Variants in FAM91A1 observed in about 807,000 individuals in gnomAD.
FAM91A1 encodes protein FAM91A1.
A neutral mutation model predicts 113.5 loss-of-function variants in FAM91A1; 41 were observed. That is an observed-to-expected ratio of 0.36 (90% CI 0.28 to 0.47). FAM91A1 has a LOEUF of 0.47. Ranked by LOEUF, FAM91A1 falls within the 20% of genes least tolerant of loss-of-function variation. The pLI, the probability that FAM91A1 is intolerant of heterozygous loss-of-function variation, is 1.00. For missense variants in FAM91A1, 696 were observed against 1,001.2 expected (o/e 0.70, Z 4.11); for synonymous variants, 307 against 347.9 (o/e 0.88, Z 1.31).
At chr8:123,777,884 A>G in intron 4 of FAM91A1, 141 bp from the exon 5 acceptor site, 1 of 631,410 alleles carries the variant, frequency 1.6e-6, no homozygotes, top group Non-Finnish European at 2.7e-6. Context: ...TTGGTTGAAG[A>G]CGTCCTTTTA....
intron 18 of FAM91A1, among the ~76,000 whole-genome samples, chr8:123,804,992 A>T (rs1481370594): frequency 6.6e-6 from 1 of 151,600 alleles, no homozygotes; most frequent in East Asian, 1.9e-4. Context: ...CTCCTCATTC[A>T]CTCTTCACTT....
intron 23 of FAM91A1, among the ~76,000 whole-genome samples, chr8:123,811,718 T>C (rs532818613): frequency 6.6e-6 from 1 of 151,954 alleles, no homozygotes; most frequent in South Asian, 2.1e-4. Flanking sequence ...GAGTATAGAG[T>C]GCATGGGGAA....
intron 9 of FAM91A1, 85 bp from the exon 10 acceptor site, chr8:123,784,996 A>T: frequency 1.0e-6 from 1 of 1,002,802 alleles, no homozygotes; most frequent in Non-Finnish European, 1.4e-6. Flanking sequence ...AATTTTGCTG[A>T]TTATGATTAT....
chr8:123,805,145 G>T (rs1005819550), intron 18 of FAM91A1, 122 bp from the exon 19 acceptor site: 1 of 701,842 alleles, frequency 1.4e-6, no homozygotes, highest in Non-Finnish European at 2.3e-6. Flanking sequence ...ATTGTTGAAA[G>T]AATTTTGATG....
At chr8:123,808,476 A>G (rs1386969021) in intron 21 of FAM91A1, 100 bp downstream of exon 21, 1 of 828,226 alleles carries the variant, frequency 1.2e-6, no homozygotes, top group East Asian at 2.9e-5. Context: ...CTTATTATTC[A>G]TACGACTTTT....
intron 14 of FAM91A1, chr8:123,788,315 C>T: frequency 1.1e-6 from 1 of 875,048 alleles, no homozygotes; most frequent in Non-Finnish European, 1.4e-6. Context: ...GTTTTTCATT[C>T]TTCGGATATT....
At chr8:123,771,971 T>C (rs1480897745) in intron 1 of FAM91A1, among the ~76,000 whole-genome samples, 3 of 151,782 alleles carry the variant, frequency 2.0e-5, no homozygotes, top group African/African-American at 7.3e-5. Flanking sequence ...GTAAAATTAC[T>C]TTTTTTTTCT....
At chr8:123,786,659 A>G (rs1172994993) in intron 12 of FAM91A1, 49 bp downstream of exon 12, 2 of 1,291,886 alleles carry the variant, frequency 1.5e-6, no homozygotes, top group East Asian at 4.6e-5. Context: ...GGTACGGCAC[A>G]TGTCCAAACA....
rs552152877 is a variant in FAM91A1 at position 123,768,979 on chromosome 8, A to T, written c.72+205A>T. Reference sequence around the variant, plus strand: ...CAGGGCCAGGACGGGGCGATCGCTAAATGGGATGGCATGGTGTCCACAGGA... The same window carrying T: ...CAGGGCCAGGACGGGGCGATCGCTATATGGGATGGCATGGTGTCCACAGGA... On this transcript the variant is annotated intron_variant, in intron 1 of 23. Transcript: ENST00000334705. Among the ~76,000 whole-genome samples the T allele has an allele frequency of 6.6e-5, 10 of 152,248 alleles. No homozygotes were observed. In the South Asian group the frequency reaches 2.1e-3, roughly 32 times the overall value.
At chr8:123,770,538 C>G (rs1488126795) in intron 1 of FAM91A1, among the ~76,000 whole-genome samples, 1 of 152,194 alleles carries the variant, frequency 6.6e-6, no homozygotes, top group East Asian at 1.9e-4. Context: ...CACTTTTGTA[C>G]TTTAGGGTTT....
chr8:123,792,910 C>T (rs1815422690), intron 15 of FAM91A1, among the ~76,000 whole-genome samples: 1 of 152,178 alleles, frequency 6.6e-6, no homozygotes, highest in East Asian at 1.9e-4. Flanking sequence ...GCCTCATAAG[C>T]AGTGAGTTGA....
chr8:123,789,857 A>G, intron 15 of FAM91A1, 112 bp downstream of exon 15: 4 of 1,264,268 alleles, frequency 3.2e-6, no homozygotes, highest in Non-Finnish European at 4.3e-6. Flanking sequence ...TTGTGTAGAT[A>G]GCATATTGAA....
At chr8:123,784,092 C>G (rs755074927) in intron 8 of FAM91A1, among the ~76,000 whole-genome samples, 2 of 152,316 alleles carry the variant, frequency 1.3e-5, no homozygotes, top group Non-Finnish European at 2.9e-5. Flanking sequence ...CTTTGGCCCA[C>G]TCACCCCTGC....
intron 1 of FAM91A1, among the ~76,000 whole-genome samples, chr8:123,772,339 A>G (rs545437849): frequency 6.6e-6 from 1 of 152,312 alleles, no homozygotes; most frequent in Non-Finnish European, 1.5e-5. Context: ...ATGTGTGTGT[A>G]TTTGTGTTCC....
chr8:123,785,179 G>T (rs1290427277), intron 10 of FAM91A1, 60 bp downstream of exon 10: 76 of 1,324,638 alleles, frequency 5.7e-5, no homozygotes, highest in Non-Finnish European at 7.8e-5. Flanking sequence ...TTTACTAGTA[G>T]ATTTTTATCT....
intron 18 of FAM91A1, among the ~76,000 whole-genome samples, chr8:123,802,404 A>G (rs1815708018): frequency 2.0e-5 from 3 of 152,152 alleles, no homozygotes; most frequent in Admixed American, 2.0e-4. Flanking sequence ...TGATACCACT[A>G]CTGTAGGGAA....
At chr8:123,783,591 T>G (rs184370765) in intron 8 of FAM91A1, among the ~76,000 whole-genome samples, 2 of 152,332 alleles carry the variant, frequency 1.3e-5, no homozygotes, top group Non-Finnish European at 2.9e-5. Context: ...TTTAAATTTT[T>G]GGGTACAATT....
chr8:123,780,621 T>C, intron 8 of FAM91A1, 79 bp downstream of exon 8: 1 of 1,145,054 alleles, frequency 8.7e-7, no homozygotes, highest in Non-Finnish European at 1.3e-6. Context: ...CGTTCTAGGA[T>C]CTTAGATGTT....
intron 14 of FAM91A1, chr8:123,788,068 A>AT (rs1477604491): frequency 9.2e-5 from 52 of 566,854 alleles, no homozygotes; most frequent in South Asian, 1.5e-4. Context: ...TAGCCTTTCA[A>AT]TTTTTTTTCT....
Sources: allele counts gnomAD v4.1 joint callset (sites outside exome capture counted in the v4.1 genomes callset), GRCh38; gene constraint gnomAD v4.1.1; transcripts MANE v1.5; gene names NCBI Gene and HGNC (gene_info 2026-07-23, HGNC 2026-07-21).